Variants in ERBB4 observed in about 807,000 individuals in gnomAD.
The protein encoded by ERBB4 is erb-b2 receptor tyrosine kinase 4.
In ERBB4, 42 loss-of-function variants were observed where a neutral mutation model predicts 158.0. That is an observed-to-expected ratio of 0.27 (90% CI 0.21 to 0.34). The LOEUF (loss-of-function observed/expected upper bound fraction) is 0.34. Ranked by LOEUF, ERBB4 falls within the 10% of genes least tolerant of loss-of-function variation. The pLI is 1.00. For synonymous variants in ERBB4, 583 were observed against 558.7 expected (o/e 1.04, Z -0.61); for missense variants, 1,333 against 1,624.1 (o/e 0.82, Z 3.08).
chr2:211,942,601 G>A (rs1276026565), intron 3 of ERBB4, among the ~76,000 whole-genome samples: 1 of 151,720 alleles, frequency 6.6e-6, no homozygotes, highest in African/African-American at 2.4e-5. Flanking sequence ...GTATAACTTC[G>A]GTATTCTACT....
intron 2 of ERBB4, among the ~76,000 whole-genome samples, chr2:212,027,636 A>C (rs2076804307): frequency 8.2e-6 from 1 of 122,288 alleles, no homozygotes; most frequent in African/African-American, 2.8e-5. Context: ...ACCTCTGTTG[A>C]TCACTGTTTC....
intron 2 of ERBB4, among the ~76,000 whole-genome samples, chr2:211,969,750 T>C (rs890004652): frequency 6.6e-6 from 1 of 152,064 alleles, no homozygotes; most frequent in Admixed American, 6.6e-5. Context: ...ATATTCCCAT[T>C]GTCATTTTTT....
intron 20 of ERBB4, among the ~76,000 whole-genome samples, chr2:211,510,071 A>G (rs768754773): frequency 2.0e-5 from 3 of 152,162 alleles, no homozygotes; most frequent in African/African-American, 7.2e-5. Context: ...CTACCATTCA[A>G]TCTACTACTG....
chr2:211,516,281 C>T (rs2066029877), intron 20 of ERBB4, among the ~76,000 whole-genome samples: 1 of 151,428 alleles, frequency 6.6e-6, no homozygotes, highest in African/African-American at 2.4e-5. Context: ...TTTAGCCTTG[C>T]TTATGGAATC....
chr2:212,487,175 T>C (rs898261144), intron 1 of ERBB4, among the ~76,000 whole-genome samples: 5 of 152,160 alleles, frequency 3.3e-5, no homozygotes, highest in African/African-American at 1.2e-4. Flanking sequence ...AATGCTTGGT[T>C]TGCTTTGACT....
intron 9 of ERBB4, among the ~76,000 whole-genome samples, chr2:211,709,274 T>TATATACACATATATATATATATAC (rs1553615210): frequency 1.5e-5 from 2 of 136,558 alleles, no homozygotes; most frequent in African/African-American, 5.7e-5. Flanking sequence ...TATATATATA[T>TATATACACATATATATATATATAC]ACATACATAT....
chr2:211,485,773 G>C (rs919033816), intron 20 of ERBB4, among the ~76,000 whole-genome samples: 1 of 151,616 alleles, frequency 6.6e-6, no homozygotes, highest in Non-Finnish European at 1.5e-5. Flanking sequence ...ACGAGTTAAT[G>C]GGTGCAGCAC....
intron 1 of ERBB4, among the ~76,000 whole-genome samples, chr2:212,432,074 G>A (rs942581899): frequency 6.6e-6 from 1 of 152,044 alleles, no homozygotes; most frequent in African/African-American, 2.4e-5. Flanking sequence ...CAATTAAAAG[G>A]CAAATGAAAA....
At chr2:212,197,647 T>C (rs1406836260) in intron 1 of ERBB4, among the ~76,000 whole-genome samples, 2 of 152,170 alleles carry the variant, frequency 1.3e-5, no homozygotes, top group African/African-American at 4.8e-5. Context: ...CAAATGCCAC[T>C]GTGTTTATAA....
chr2:212,033,645 G>A (rs2076951397), intron 2 of ERBB4, among the ~76,000 whole-genome samples: 2 of 151,636 alleles, frequency 1.3e-5, no homozygotes, highest in Admixed American at 6.6e-5. Flanking sequence ...ATACCAAAGG[G>A]CAACATTTAC....
intron 12 of ERBB4, among the ~76,000 whole-genome samples, chr2:211,687,857 G>C (rs973392340): frequency 2.0e-5 from 3 of 152,020 alleles, no homozygotes; most frequent in Admixed American, 2.0e-4. Context: ...TAATGTCCAG[G>C]GTTTTTATTT....
At chr2:211,872,465 G>A (rs2078377180) in intron 3 of ERBB4, among the ~76,000 whole-genome samples, 1 of 152,062 alleles carries the variant, frequency 6.6e-6, no homozygotes, top group South Asian at 2.1e-4. Context: ...TGACAGTCTT[G>A]TCCTTTTTAA....
intron 1 of ERBB4, among the ~76,000 whole-genome samples, chr2:212,292,318 A>T (rs184418561): frequency 1.3e-5 from 2 of 152,156 alleles, no homozygotes; most frequent in African/African-American, 4.8e-5. Context: ...TACATAAAAA[A>T]TGAGGCTCAG....
At chr2:211,818,741 A>C (rs2076929234) in intron 3 of ERBB4, among the ~76,000 whole-genome samples, 1 of 152,046 alleles carries the variant, frequency 6.6e-6, no homozygotes, top group Non-Finnish European at 1.5e-5. Flanking sequence ...AAAAACATTG[A>C]ATATGTTTTT....
chr2:211,415,465 T>C (rs183065325), intron 25 of ERBB4, among the ~76,000 whole-genome samples: 11 of 152,296 alleles, frequency 7.2e-5, no homozygotes, highest in Non-Finnish European at 1.6e-4. Flanking sequence ...CATTATCATT[T>C]TGCTCAAACT....
intron 20 of ERBB4, among the ~76,000 whole-genome samples, chr2:211,515,912 A>ATATATACATATATATTTTTTTTTTTT (rs35696520): frequency 1.3e-5 from 1 of 78,976 alleles, no homozygotes; most frequent in East Asian, 3.3e-4. Context: ...ATATATATAT[A>ATATATACATATATATTTTTTTTTTTT]TTTTTTTTTT....
At chr2:211,693,990 C>A (rs1287128199) in intron 12 of ERBB4, among the ~76,000 whole-genome samples, 1 of 152,054 alleles carries the variant, frequency 6.6e-6, no homozygotes, top group Non-Finnish European at 1.5e-5. Flanking sequence ...CTTCACATGG[C>A]GTTCTCATTT....
At chr2:212,103,772 T>G (rs2079148546) in intron 2 of ERBB4, among the ~76,000 whole-genome samples, 1 of 152,132 alleles carries the variant, frequency 6.6e-6, no homozygotes, top group South Asian at 2.1e-4. Flanking sequence ...AAAATATATT[T>G]CCACTTTGAA....
intron 7 of ERBB4, among the ~76,000 whole-genome samples, chr2:211,720,818 C>G (rs897528813): frequency 1.4e-4 from 21 of 152,212 alleles, no homozygotes; most frequent in Non-Finnish European, 2.5e-4. Context: ...TATGATGTTG[C>G]ATACTTACAC....
Sources: gnomAD v4.1 joint callset for allele counts (sites outside exome capture counted in the v4.1 genomes callset) on GRCh38, gnomAD v4.1.1 for gene constraint, MANE v1.5 for transcripts, NCBI Gene and HGNC (gene_info 2026-07-23, HGNC 2026-07-21) for gene names.